TAS2R1: variants seen among roughly 807,000 people sequenced by gnomAD.
The protein encoded by TAS2R1 is taste receptor type 2 member 1.
For synonymous variants in TAS2R1, 141 were observed against 134.2 expected, an observed-to-expected ratio of 1.05 and a Z score of -0.35; for missense variants, 370 against 353.4, an observed-to-expected ratio of 1.05 and a Z score of -0.38.
the TAS2R1 span, among the ~76,000 whole-genome samples, chr5:9,830,599 G>GCA: frequency 5.4e-5 from 3 of 56,046 alleles, no homozygotes; most frequent in Admixed American, 2.1e-4. Context: ...ATAGACACGT[G>GCA]CGCGCGCACA....
rs1739845635 is a variant in TAS2R1 at position 9,630,106 on chromosome 5, T to C, written c.-74A>G. On this transcript the variant is annotated 5_prime_UTR_variant, in exon 1 of 1. Coordinates refer to ENST00000382492, the MANE Select transcript of TAS2R1 (RefSeq NM_019599.3). ...TTTGGACAGGTTGGGTTGTTCACGC[T>C]CTTCAATTAGATCAGGACTCCTCTG... 2 of 1,273,082 alleles carry C rather than the reference T, an allele frequency of 1.6e-6. No individual in the cohort carries two copies. The highest frequency in any genetic ancestry group is 2.1e-6 in the Non-Finnish European group (2 of 940,580). The allele number at this position is 1,273,082 out of a possible 1,614,324, so 78.9% of individuals were successfully genotyped here.
the TAS2R1 span, among the ~76,000 whole-genome samples, chr5:9,899,586 C>A: frequency 1.0e-4 from 15 of 149,544 alleles, no homozygotes; most frequent in African/African-American, 3.7e-4. Flanking sequence ...GCAGTAAGCC[C>A]AGATCGCGCC....
chr5:9,840,849 ATTTATTTATTTTT>A, the TAS2R1 span, among the ~76,000 whole-genome samples: 1 of 12,910 alleles, frequency 7.7e-5, no homozygotes, highest in Non-Finnish European at 1.6e-4. Flanking sequence ...TTATTTATTT[ATTTATTTATTTTT>A]TTTTTTTTTT....
At chr5:9,760,707 C>A in the TAS2R1 span, among the ~76,000 whole-genome samples, 1 of 152,136 alleles carries the variant, frequency 6.6e-6, no homozygotes, top group Non-Finnish European at 1.5e-5. Flanking sequence ...TGATTTAAAG[C>A]CATACCAAGA....
At chr5:9,791,313 T>C in the TAS2R1 span, among the ~76,000 whole-genome samples, 4 of 152,180 alleles carry the variant, frequency 2.6e-5, no homozygotes, top group Admixed American at 2.6e-4. Flanking sequence ...CTCAGGGTTA[T>C]CCCATTCAGC....
chr5:9,642,326 C>T (rs547896860), intron 2 of TAS2R1, among the ~76,000 whole-genome samples: 41 of 152,282 alleles, frequency 2.7e-4, no homozygotes, highest in African/African-American at 9.6e-4. Flanking sequence ...CTTTAAGAAA[C>T]ATGTGCATGT....
chr5:9,709,137 C>A (rs1430978322), intron 1 of TAS2R1, among the ~76,000 whole-genome samples: 2 of 150,986 alleles, frequency 1.3e-5, no homozygotes, highest in African/African-American at 4.9e-5. Flanking sequence ...CACATGTATA[C>A]CTACATAACA....
chr5:9,761,335 C>G, the TAS2R1 span, among the ~76,000 whole-genome samples: 32 of 147,540 alleles, frequency 2.2e-4, no homozygotes, highest in Middle Eastern at 3.5e-3. Context: ...TGGAGCTGAA[C>G]AGGAGGGAAG....
At chr5:9,641,530 G>A (rs1173886836) in intron 2 of TAS2R1, 2 of 152,158 alleles carry the variant, frequency 1.3e-5, no homozygotes, top group Non-Finnish European at 1.5e-5. Flanking sequence ...AATAAGAGAC[G>A]TCTGTCTGTA....
the TAS2R1 span, among the ~76,000 whole-genome samples, chr5:9,864,614 CA>C: frequency 6.9e-6 from 1 of 145,084 alleles, no homozygotes; most frequent in African/African-American, 2.6e-5. Flanking sequence ...GCCTGGGTGA[CA>C]AGAGCTAGAC....
At chr5:9,633,293 A>ATATATATATATATAT (rs1561364890), upstream of TAS2R1, among the ~76,000 whole-genome samples, 127 of 62,360 alleles carry the variant, frequency 2.0e-3, no homozygotes, top group African/African-American at 8.8e-3. Flanking sequence ...GTGTGTGTAT[A>ATATATATATATATAT]TTATATATAT....
At chr5:9,752,877 C>T in the TAS2R1 span, among the ~76,000 whole-genome samples, 1 of 152,192 alleles carries the variant, frequency 6.6e-6, no homozygotes, top group African/African-American at 2.4e-5. Flanking sequence ...AGGACATGAA[C>T]TCATCCTTTT....
chr5:9,701,221 GACACACACACACACACACACAC>G (rs34248017), intron 1 of TAS2R1, among the ~76,000 whole-genome samples: 36 of 135,946 alleles, frequency 2.6e-4, no homozygotes, highest in South Asian at 7.8e-4. Flanking sequence ...CAGACACGCA[GACACACACACACACACACACAC>G]ACACACACAC....
At chr5:9,715,737 C>T (rs1210336732), upstream of TAS2R1, among the ~76,000 whole-genome samples, 1 of 152,188 alleles carries the variant, frequency 6.6e-6, no homozygotes, top group Admixed American at 6.5e-5. Context: ...CTGAAGCTTT[C>T]CCTCTACCTA....
In TAS2R1 at chr5:9,674,748, A is replaced by G. The variant is rs188169997; in HGVS notation, c.-241-15167T>C. 1.9e-3 allele frequency among the ~76,000 whole-genome samples: 283 copies of G among 152,108 alleles called. 3 individuals are homozygous for G. Among genetic ancestry groups the G allele is most frequent in the Middle Eastern group, 0.014 (4 of 294 alleles). ...CTACTATCTTTCTAACTTCTATTCCATTTTTCACATAACCCAGAAATTCAC... is the reference window on the plus strand; with the variant it reads ...CTACTATCTTTCTAACTTCTATTCCGTTTTTCACATAACCCAGAAATTCAC... On this transcript the variant is annotated intron_variant, in intron 1 of 2. Coordinates refer to the TAS2R1 transcript ENST00000506620.
the TAS2R1 span, among the ~76,000 whole-genome samples, chr5:9,878,935 C>G: frequency 6.6e-6 from 1 of 152,204 alleles, no homozygotes; most frequent in Non-Finnish European, 1.5e-5. Context: ...GCAACTCTAT[C>G]TCCTTCCACC....
chr5:9,821,761 T>C, the TAS2R1 span, among the ~76,000 whole-genome samples: 1 of 152,222 alleles, frequency 6.6e-6, no homozygotes, highest in African/African-American at 2.4e-5. Flanking sequence ...ACTTAATTAA[T>C]TGTATCAGGT....
the TAS2R1 span, among the ~76,000 whole-genome samples, chr5:9,728,212 A>G: frequency 6.6e-6 from 1 of 152,234 alleles, no homozygotes; most frequent in Non-Finnish European, 1.5e-5. Flanking sequence ...AAAATCTTGC[A>G]CAACAGAGAT....
At chr5:9,737,734 A>C in the TAS2R1 span, among the ~76,000 whole-genome samples, 1 of 152,362 alleles carries the variant, frequency 6.6e-6, no homozygotes, top group South Asian at 2.1e-4. Flanking sequence ...CAATTTAACC[A>C]GAGTCAGTTA....
Sources: gnomAD v4.1 joint callset for allele counts (sites outside exome capture counted in the v4.1 genomes callset) on GRCh38, gnomAD v4.1.1 for gene constraint, MANE v1.5 for transcripts, NCBI Gene and HGNC (gene_info 2026-07-23, HGNC 2026-07-21) for gene names.